MYO16: variants seen among roughly 807,000 people sequenced by gnomAD.
MYO16 encodes the protein unconventional myosin-XVI.
A neutral mutation model predicts 205.3 loss-of-function variants in MYO16; 94 were observed. The ratio of observed to expected loss-of-function variants is 0.46; its 90% CI spans 0.39 to 0.54. The LOEUF is 0.54. Among genes scored for constraint, MYO16 ranks in the 20% least tolerant of loss-of-function variants. The pLI, the probability that MYO16 is intolerant of heterozygous loss-of-function variation, is 0.00. For synonymous variants in MYO16, 988 were observed against 954.0 expected, an observed-to-expected ratio of 1.04 and a Z score of -0.66; for missense variants, 2,315 against 2,387.5, an observed-to-expected ratio of 0.97 and a Z score of 0.63.
chr13:108,875,789 G>A (rs1216261390), intron 12 of MYO16, among the ~76,000 whole-genome samples: 3 of 152,048 alleles, frequency 2.0e-5, no homozygotes, highest in East Asian at 3.9e-4. Context: ...CAGGAGGATC[G>A]CTTGACCCCA....
chr13:108,502,605 A>G, the MYO16 span, among the ~76,000 whole-genome samples: 3 of 152,212 alleles, frequency 2.0e-5, no homozygotes, highest in African/African-American at 7.2e-5. Flanking sequence ...TTTTAAAAAT[A>G]AACCCAGGAG....
At chr13:108,807,845 G>C (rs1223169936) in intron 7 of MYO16, among the ~76,000 whole-genome samples, 5 of 152,082 alleles carry the variant, frequency 3.3e-5, no homozygotes, top group African/African-American at 1.2e-4. Flanking sequence ...ATTTCTTAAA[G>C]TCTTGTTAAG....
chr13:108,519,329 C>G, the MYO16 span, among the ~76,000 whole-genome samples: 1 of 152,156 alleles, frequency 6.6e-6, no homozygotes, highest in South Asian at 2.1e-4. Context: ...TAAAGTAAAA[C>G]AGGCTGGTGA....
chr13:108,808,532 C>CAAA (rs1481547971), intron 7 of MYO16, among the ~76,000 whole-genome samples: 3 of 151,864 alleles, frequency 2.0e-5, no homozygotes, highest in African/African-American at 7.3e-5. Context: ...AGGCTGGTCT[C>CAAA]GAACTCCTGA....
At chr13:108,810,886 A>C (rs1420496286) in intron 7 of MYO16, among the ~76,000 whole-genome samples, 1 of 152,212 alleles carries the variant, frequency 6.6e-6, no homozygotes, top group Admixed American at 6.5e-5. Flanking sequence ...GATGATGTAC[A>C]TATTTTAAAA....
chr13:109,058,485 G>A (rs574747021), intron 27 of MYO16, among the ~76,000 whole-genome samples: 8 of 152,180 alleles, frequency 5.3e-5, no homozygotes, highest in South Asian at 2.1e-4. Flanking sequence ...TTGGTTTCCC[G>A]CTGCATATAA....
intron 22 of MYO16, among the ~76,000 whole-genome samples, chr13:109,012,582 C>G (rs1017327968): frequency 6.6e-6 from 1 of 152,090 alleles, no homozygotes; most frequent in Non-Finnish European, 1.5e-5. Context: ...ACCATCCCCC[C>G]CACCCCTGGT....
chr13:108,701,939 T>C (rs886799740), intron 2 of MYO16, among the ~76,000 whole-genome samples: 1 of 151,538 alleles, frequency 6.6e-6, no homozygotes, highest in Non-Finnish European at 1.5e-5. Flanking sequence ...TTAGCAGAAA[T>C]AAAGTGTATT....
At chr13:109,189,738 G>T (rs1001559292) in intron 34 of MYO16, among the ~76,000 whole-genome samples, 54 of 152,148 alleles carry the variant, frequency 3.5e-4, no homozygotes, top group African/African-American at 1.3e-3. Context: ...AATTTCTGTT[G>T]CTCTCCTTCA....
intron 1 of MYO16, among the ~76,000 whole-genome samples, chr13:108,630,752 A>G (rs941187028): frequency 2.0e-5 from 3 of 152,230 alleles, no homozygotes; most frequent in African/African-American, 7.2e-5. Flanking sequence ...TTGAAGCAGC[A>G]TATTAAGGGA....
At chr13:108,718,976 C>T (rs1884055429) in intron 3 of MYO16, among the ~76,000 whole-genome samples, 1 of 152,026 alleles carries the variant, frequency 6.6e-6, no homozygotes, top group South Asian at 2.1e-4. Context: ...TACTGGAAAC[C>T]CAATGGATGA....
At chr13:109,120,052 A>C (rs1410849799) in intron 28 of MYO16, among the ~76,000 whole-genome samples, 1 of 152,228 alleles carries the variant, frequency 6.6e-6, no homozygotes, top group Non-Finnish European at 1.5e-5. Flanking sequence ...GGGAGAATCC[A>C]TTCATGGGGA....
intron 32 of MYO16, among the ~76,000 whole-genome samples, chr13:109,146,485 A>T (rs1247505027): frequency 2.0e-5 from 3 of 152,100 alleles, no homozygotes; most frequent in Non-Finnish European, 4.4e-5. Flanking sequence ...TTTTAAGTGC[A>T]TCCCAATGTC....
rs915213677 is a variant in MYO16, at chr13:108,962,446, A to C, written c.2178A>C (p.Ser726=). The C allele has an allele frequency of 2.5e-6, 4 of 1,602,372 alleles. No individual in the cohort carries two copies. In the African/African-American group the frequency reaches 5.4e-5, roughly 22 times the overall value. Residue 726 remains serine (S), a synonymous_variant, in exon 19 of 35, where the codon TCA becomes TCC. Transcript: ENST00000457511. ...LEQVAGMLQV[S]TDELASALTT... ...TAGTGGCTGGAATGTTACAAGTATC[A>C]ACAGATGAATTGGCATCTGCCTTAA...
intron 1 of MYO16, among the ~76,000 whole-genome samples, chr13:108,605,538 T>C (rs563648204): frequency 6.6e-6 from 1 of 152,290 alleles, no homozygotes; most frequent in South Asian, 2.1e-4. Context: ...TGAGTTCTCA[T>C]GAGACTGATG....
chr13:109,192,841 TTATC>T (rs1189713642), intron 34 of MYO16, among the ~76,000 whole-genome samples: 2 of 152,220 alleles, frequency 1.3e-5, no homozygotes, highest in Non-Finnish European at 2.9e-5. Flanking sequence ...TATTTATGAT[TTATC>T]TGTTATGACA....
chr13:108,592,728 C>CTGTG (rs55845447), upstream of MYO16, among the ~76,000 whole-genome samples: 50,474 of 139,046 alleles, frequency 0.36, 10,213 homozygotes, highest in Non-Finnish European at 0.45. Context: ...GTGAGGGTGG[C>CTGTG]TGTGTGTGTG....
chr13:108,783,543 G>T (rs1433816732), intron 4 of MYO16, among the ~76,000 whole-genome samples: 4 of 152,132 alleles, frequency 2.6e-5, no homozygotes, highest in Admixed American at 2.0e-4. Context: ...AGGCATCATT[G>T]GTTTTGAAAT....
At chr13:108,891,551 C>T (rs928518392) in intron 14 of MYO16, among the ~76,000 whole-genome samples, 7 of 151,996 alleles carry the variant, frequency 4.6e-5, no homozygotes, top group Non-Finnish European at 7.4e-5. Context: ...ATTGCCTTGA[C>T]AAAAAATAAT....
Sources: allele counts gnomAD v4.1 joint callset (sites outside exome capture counted in the v4.1 genomes callset), GRCh38; gene constraint gnomAD v4.1.1; transcripts MANE v1.5; gene names NCBI Gene and HGNC (gene_info 2026-07-23, HGNC 2026-07-21).